CTNNA1: variants seen among roughly 807,000 people sequenced by gnomAD.
The protein encoded by CTNNA1 is catenin alpha-1.
CTNNA1 carries 37 observed loss-of-function variants against 98.4 expected under a neutral mutation model. The ratio of observed to expected loss-of-function variants is 0.38; its 90% CI spans 0.29 to 0.49. The LOEUF (loss-of-function observed/expected upper bound fraction) is 0.49. Ranked by LOEUF, CTNNA1 falls within the 20% of genes least tolerant of loss-of-function variation. The pLI is 0.95. For missense variants in CTNNA1, 761 were observed against 1,147.2 expected (o/e 0.66, Z 4.86); for synonymous variants, 404 against 413.2 (o/e 0.98, Z 0.27).
chr5:138,905,971 C>G (rs1008369446), intron 10 of CTNNA1, among the ~76,000 whole-genome samples: 7 of 152,044 alleles, frequency 4.6e-5, no homozygotes, highest in African/African-American at 1.7e-4. Flanking sequence ...AATGAAGTTG[C>G]TATGTTATGT....
At chr5:138,801,182 A>G (rs529766132) in intron 3 of CTNNA1, among the ~76,000 whole-genome samples, 6 of 152,328 alleles carry the variant, frequency 3.9e-5, no homozygotes, top group South Asian at 2.1e-4. Flanking sequence ...GATGGCTACA[A>G]AATTATTACA....
intron 16 of CTNNA1, 197 bp from the exon 17 acceptor site, chr5:138,932,380 TC>T (rs763057577): frequency 3.9e-5 from 55 of 1,410,286 alleles, no homozygotes; most frequent in Non-Finnish European, 5.1e-5. Flanking sequence ...ATGGACGACT[TC>T]CATCAGCTCA....
chr5:138,877,540 C>T (rs369273165), intron 7 of CTNNA1, among the ~76,000 whole-genome samples: 284 of 151,998 alleles, frequency 1.9e-3, no homozygotes, highest in South Asian at 3.3e-3. Context: ...CTCCGCTTCC[C>T]GGGTTCACGC....
intron 9 of CTNNA1, among the ~76,000 whole-genome samples, chr5:138,901,432 T>G (rs1305111709): frequency 6.6e-6 from 1 of 152,184 alleles, no homozygotes; most frequent in Non-Finnish European, 1.5e-5. Flanking sequence ...ACTGCTGGTA[T>G]TACAAGCATG....
chr5:138,841,372 G>A (rs1248235167), intron 7 of CTNNA1, among the ~76,000 whole-genome samples: 2 of 152,086 alleles, frequency 1.3e-5, no homozygotes, highest in African/African-American at 2.4e-5. Flanking sequence ...TGATTCTCCT[G>A]CCTCAGCCTC....
intron 5 of CTNNA1, among the ~76,000 whole-genome samples, chr5:138,822,924 T>C (rs1186447251): frequency 1.3e-5 from 2 of 152,232 alleles, no homozygotes; most frequent in African/African-American, 2.4e-5. Context: ...TCTAGAAAGA[T>C]GAACCACTAA....
At chr5:138,811,866 G>A (rs1758845225) in intron 4 of CTNNA1, 3 of 227,034 alleles carry the variant, frequency 1.3e-5, no homozygotes, top group Non-Finnish European at 2.6e-5. Flanking sequence ...CGAGATGGCA[G>A]CAGTACAGTC....
At chr5:138,872,363 A>G (rs1327996240) in intron 7 of CTNNA1, 1 of 152,648 alleles carries the variant, frequency 6.6e-6, no homozygotes, top group Non-Finnish European at 1.5e-5. Flanking sequence ...GTGTAAATAT[A>G]TTAAAGAGTC....
intron 10 of CTNNA1, among the ~76,000 whole-genome samples, chr5:138,908,533 C>T (rs1190008631): frequency 2.0e-5 from 3 of 151,878 alleles, no homozygotes; most frequent in East Asian, 1.9e-4. Context: ...GGCATGATGG[C>T]GTGCACTTGT....
At position 138,820,224 on chromosome 5, in the gene CTNNA1, G is replaced by T. The variant is rs563216521; in HGVS notation, c.589-4306G>T. Reference sequence around the variant, plus strand: ...GTATAACAGTTGCTTGCAGCTTGGGGATGTCTGGCCAATTGGTTGTGATAG... The same window carrying T: ...GTATAACAGTTGCTTGCAGCTTGGGTATGTCTGGCCAATTGGTTGTGATAG... On this transcript the variant is annotated intron_variant, in intron 5 of 17. Transcript: ENST00000302763. 2.2e-4 allele frequency among the ~76,000 whole-genome samples: 34 copies of T among 152,074 alleles called. 1 individual carries two copies. Among genetic ancestry groups the T allele is most frequent in the Admixed American group, 1.6e-3 (24 of 15,278 alleles).
At chr5:138,802,467 C>A (rs1757677442) in intron 3 of CTNNA1, among the ~76,000 whole-genome samples, 1 of 152,000 alleles carries the variant, frequency 6.6e-6, no homozygotes, top group African/African-American at 2.4e-5. Flanking sequence ...AGCTCACATG[C>A]CTGGCTGACA....
chr5:138,756,702 A>G (rs950377905), intron 1 of CTNNA1, among the ~76,000 whole-genome samples: 1 of 152,174 alleles, frequency 6.6e-6, no homozygotes, highest in Non-Finnish European at 1.5e-5. Flanking sequence ...GGCAGAGGCC[A>G]TGTTGGGGTT....
intron 7 of CTNNA1, among the ~76,000 whole-genome samples, chr5:138,883,377 A>T (rs1753361234): frequency 6.6e-6 from 1 of 152,198 alleles, no homozygotes; most frequent in African/African-American, 2.4e-5. Flanking sequence ...CTGCTCCTAA[A>T]CTGCTCCCCT....
intron 9 of CTNNA1, among the ~76,000 whole-genome samples, chr5:138,894,674 A>G (rs1333977074): frequency 2.0e-5 from 3 of 150,268 alleles, no homozygotes; most frequent in East Asian, 3.9e-4. Context: ...TATGATTATG[A>G]TTATGATTTT....
chr5:138,838,042 A>G (rs1360106330), intron 7 of CTNNA1, among the ~76,000 whole-genome samples: 1 of 152,210 alleles, frequency 6.6e-6, no homozygotes, highest in Non-Finnish European at 1.5e-5. Flanking sequence ...CTGGGACTGC[A>G]GGTGTGCACT....
intron 16 of CTNNA1, chr5:138,932,120 G>A: frequency 2.0e-6 from 2 of 987,642 alleles, no homozygotes; most frequent in Non-Finnish European, 2.4e-6. Context: ...ATAACGCAAA[G>A]TGCCTCAGAG....
intron 3 of CTNNA1, among the ~76,000 whole-genome samples, chr5:138,798,412 A>G (rs778861818): frequency 1.2e-4 from 19 of 152,232 alleles, no homozygotes; most frequent in Non-Finnish European, 2.6e-4. Context: ...AAGTAGTTAT[A>G]TTCATTAACA....
At position 138,784,909 on chromosome 5, in the gene CTNNA1, G is replaced by A. The variant is rs530492814; in HGVS notation, c.301+1537G>A. ...TATAAGGACATCAACCATTGAATTA[G>A]GGCCCACCTTAATCCAGTATAACCT... On this transcript the variant is annotated intron_variant, in intron 3 of 17. Coordinates refer to ENST00000302763, the MANE Select transcript of CTNNA1 (RefSeq NM_001903.5). Among the ~76,000 whole-genome samples, 25 of 152,130 alleles carry A rather than the reference G, an allele frequency of 1.6e-4. No homozygotes were observed. The South Asian group carries it at 5.2e-3, about 32-fold the overall frequency.
intron 13 of CTNNA1, among the ~76,000 whole-genome samples, chr5:138,926,849 T>C (rs750642684): frequency 6.6e-6 from 1 of 152,174 alleles, no homozygotes; most frequent in Non-Finnish European, 1.5e-5. Flanking sequence ...TTCAGAGTCC[T>C]GTCTAGAGGC....
Sources: allele counts gnomAD v4.1 joint callset (sites outside exome capture counted in the v4.1 genomes callset), GRCh38; gene constraint gnomAD v4.1.1; transcripts MANE v1.5; gene names NCBI Gene and HGNC (gene_info 2026-07-23, HGNC 2026-07-21).